FRMD4A: variants seen among roughly 807,000 people sequenced by gnomAD.
The protein encoded by FRMD4A is FERM domain-containing protein 4A.
A neutral mutation model predicts 129.1 loss-of-function variants in FRMD4A; 29 were observed. The observed-to-expected ratio is 0.22, with a 90% CI of 0.17 to 0.31. The LOEUF (loss-of-function observed/expected upper bound fraction) is 0.31. FRMD4A is among the 10% of genes least tolerant of loss of function. The pLI, the probability that FRMD4A is intolerant of heterozygous loss-of-function variation, is 1.00. For missense variants in FRMD4A, 1,272 were observed against 1,375.8 expected, an observed-to-expected ratio of 0.92 and a Z score of 1.19; for synonymous variants, 634 against 571.6, an observed-to-expected ratio of 1.11 and a Z score of -1.56.
At chr10:14,319,202 G>C (rs540539213) in intron 2 of FRMD4A, among the ~76,000 whole-genome samples, 4 of 152,266 alleles carry the variant, frequency 2.6e-5, no homozygotes, top group African/African-American at 9.6e-5. Flanking sequence ...CTCCAGTGTG[G>C]AACAGAGACA....
chr10:13,933,148 AACTCTG>A (rs2095216664), intron 2 of FRMD4A, among the ~76,000 whole-genome samples: 1 of 148,592 alleles, frequency 6.7e-6, no homozygotes, highest in African/African-American at 2.4e-5. Flanking sequence ...ACAAGAGCAA[AACTCTG>A]TCTCAAAAAA....
intron 2 of FRMD4A, among the ~76,000 whole-genome samples, chr10:14,264,501 C>A (rs1056457694): frequency 6.6e-6 from 1 of 152,208 alleles, no homozygotes; most frequent in Non-Finnish European, 1.5e-5. Context: ...TTAATTCAAT[C>A]AACAGATACT....
intron 2 of FRMD4A, among the ~76,000 whole-genome samples, chr10:14,324,849 T>C (rs1036643120): frequency 6.6e-6 from 1 of 152,160 alleles, no homozygotes; most frequent in Non-Finnish European, 1.5e-5. Flanking sequence ...TTAGTAGAGA[T>C]GGGGTTTCAC....
intron 2 of FRMD4A, among the ~76,000 whole-genome samples, chr10:14,035,753 A>G (rs1175565267): frequency 6.6e-6 from 1 of 152,206 alleles, no homozygotes; most frequent in African/African-American, 2.4e-5. Context: ...AGTTTTTAAT[A>G]CAGCCTCACA....
chr10:13,790,703 G>A (rs1175828902), intron 5 of FRMD4A, among the ~76,000 whole-genome samples: 2 of 152,022 alleles, frequency 1.3e-5, no homozygotes, highest in Non-Finnish European at 2.9e-5. Context: ...TGACCAGGGG[G>A]TACGATGGCA....
chr10:14,121,686 C>T (rs929774400), intron 2 of FRMD4A, among the ~76,000 whole-genome samples: 2 of 152,170 alleles, frequency 1.3e-5, no homozygotes, highest in Non-Finnish European at 2.9e-5. Flanking sequence ...TTTTACTGGT[C>T]GGGCCTGAAA....
intron 14 of FRMD4A, among the ~76,000 whole-genome samples, chr10:13,699,652 G>A (rs2086613854): frequency 6.6e-6 from 1 of 152,104 alleles, no homozygotes; most frequent in African/African-American, 2.4e-5. Flanking sequence ...CTGCCGTCAA[G>A]GGGAACTGGC....
intron 3 of FRMD4A, among the ~76,000 whole-genome samples, chr10:13,811,860 G>T (rs1271426967): frequency 1.3e-5 from 2 of 151,552 alleles, no homozygotes; most frequent in Non-Finnish European, 2.9e-5. Context: ...CCAGATATTA[G>T]GAAAGTTATT....
At chr10:13,972,093 T>A (rs1023433809) in intron 2 of FRMD4A, 3 of 1,117,456 alleles carry the variant, frequency 2.7e-6, no homozygotes, top group Non-Finnish European at 3.3e-6. Flanking sequence ...AAAATAAACC[T>A]CAGTGTGCAG....
chr10:13,864,856 T>C (rs10906521), intron 2 of FRMD4A, among the ~76,000 whole-genome samples: 76,011 of 152,038 alleles, frequency 0.5, 18,955 homozygotes, highest in East Asian at 0.65. Flanking sequence ...CAATTACAGG[T>C]GTGAGCCACC....
rs915629792 is a variant in FRMD4A, at chr10:13,825,232, G to A, written c.112-14324C>T. Among the ~76,000 whole-genome samples, 15 of 152,332 alleles carry A rather than the reference G, an allele frequency of 9.8e-5. 1 individual carries two copies. The highest frequency in any genetic ancestry group is 3.4e-4 in the African/African-American group (14 of 41,566). The stretch of plus-strand genomic sequence containing the variant: ...CACTTTGAGGCCATTATGAAATCAA[G>A]TAAGGTTGACTTGAACACAAGTGCT... On this transcript the variant is annotated intron_variant, in intron 3 of 24. Transcript: ENST00000357447.
intron 2 of FRMD4A, among the ~76,000 whole-genome samples, chr10:14,267,432 C>A (rs1269102990): frequency 6.6e-6 from 1 of 152,134 alleles, no homozygotes; most frequent in South Asian, 2.1e-4. Flanking sequence ...CTGGAAGTAA[C>A]CTGTCATGTC....
intron 2 of FRMD4A, among the ~76,000 whole-genome samples, chr10:14,035,429 C>CAAAAAAAAAAAAA (rs11289297): frequency 1.6e-5 from 2 of 127,018 alleles, no homozygotes; most frequent in Non-Finnish European, 3.2e-5. Context: ...AACAAATAAA[C>CAAAAAAAAAAAAA]AAAAAAAAAA....
rs1400768521 is a variant in FRMD4A at position 13,831,512 on chromosome 10, A to G, written c.112-20604T>C. 3.3e-5 allele frequency among the ~76,000 whole-genome samples: 5 copies of G among 152,170 alleles called. No individual in the cohort carries two copies. In the East Asian group the frequency reaches 9.6e-4, roughly 29 times the overall value. On this transcript the variant is annotated intron_variant, in intron 3 of 24. Coordinates refer to ENST00000357447, the MANE Select transcript of FRMD4A (RefSeq NM_018027.5). ...AAACAAGAAGGCTTTGAAGTCACAG[A>G]CTTGGACTGGCATTAAGGTTTTCTG...
intron 12 of FRMD4A, among the ~76,000 whole-genome samples, chr10:13,727,287 C>A (rs1206912165): frequency 2.6e-5 from 4 of 152,166 alleles, no homozygotes; most frequent in African/African-American, 7.2e-5. Context: ...GTAGAAGATA[C>A]CATGCAGCAC....
At chr10:14,221,510 A>C (rs960368810) in intron 2 of FRMD4A, among the ~76,000 whole-genome samples, 1 of 152,150 alleles carries the variant, frequency 6.6e-6, no homozygotes, top group Non-Finnish European at 1.5e-5. Context: ...TTTCAAAACC[A>C]AATTGGTTTG....
At chr10:13,693,220 T>G in intron 15 of FRMD4A, 1 of 163,910 alleles carries the variant, frequency 6.1e-6, no homozygotes. Context: ...CCTCCCTTCC[T>G]CTCTGCTTCT....
At chr10:14,240,252 A>C (rs1843994155) in intron 2 of FRMD4A, among the ~76,000 whole-genome samples, 2 of 152,176 alleles carry the variant, frequency 1.3e-5, no homozygotes, top group Non-Finnish European at 2.9e-5. Context: ...CCCTGTTGGA[A>C]GTTTCAGACA....
intron 24 of FRMD4A, 108 bp from the exon 25 acceptor site, chr10:13,647,143 T>TAATC (rs1246731450): frequency 2.5e-5 from 4 of 160,896 alleles, no homozygotes; most frequent in Non-Finnish European, 4.0e-5. Context: ...GGCCCTGTGC[T>TAATC]AATCACGAGT....
Sources: allele counts gnomAD v4.1 joint callset (sites outside exome capture counted in the v4.1 genomes callset), GRCh38; gene constraint gnomAD v4.1.1; transcripts MANE v1.5; gene names NCBI Gene and HGNC (gene_info 2026-07-23, HGNC 2026-07-21).